The following POU2F1 variants were observed in gnomAD, a reference collection of about 807,000 sequenced individuals.
POU2F1 encodes POU domain, class 2, transcription factor 1.
POU2F1 carries 16 observed loss-of-function variants against 84.9 expected under a neutral mutation model. The observed-to-expected ratio is 0.19, with a 90% CI of 0.13 to 0.29. The LOEUF (loss-of-function observed/expected upper bound fraction) is 0.29. Ranked by LOEUF, POU2F1 falls within the 10% of genes least tolerant of loss-of-function variation. The probability of loss-of-function intolerance (pLI) is 1.00; values close to 1 mark genes in which losing one functional copy is unlikely to be tolerated. For synonymous variants in POU2F1, 368 were observed against 368.3 expected, an observed-to-expected ratio of 1.00 and a Z score of 0.01; for missense variants, 738 against 942.6, an observed-to-expected ratio of 0.78 and a Z score of 2.84.
chr1:167,263,985 CCT>C (rs1458467792), intron 1 of POU2F1, among the ~76,000 whole-genome samples: 1 of 152,092 alleles, frequency 6.6e-6, no homozygotes, highest in Admixed American at 6.5e-5. Context: ...TGTGGCCAAT[CCT>C]GGGTTATGAT....
intron 1 of POU2F1, among the ~76,000 whole-genome samples, chr1:167,323,931 G>GA (rs1656510407): frequency 1.3e-5 from 2 of 152,058 alleles, no homozygotes; most frequent in African/African-American, 2.4e-5. Context: ...GAGCTCAGGT[G>GA]ATCCACCTAC....
At chr1:167,331,257 G>T (rs1657063077) in intron 1 of POU2F1, among the ~76,000 whole-genome samples, 1 of 152,012 alleles carries the variant, frequency 6.6e-6, no homozygotes, top group Non-Finnish European at 1.5e-5. Flanking sequence ...ACATCTTCTT[G>T]TTGGAAATGA....
intron 1 of POU2F1, among the ~76,000 whole-genome samples, chr1:167,323,676 A>G (rs1557894607): frequency 1.3e-5 from 2 of 152,050 alleles, no homozygotes; most frequent in African/African-American, 4.8e-5. Context: ...AGTTGTACTA[A>G]TTTTAATCAC....
chr1:167,279,257 CTTT>C (rs752262660), intron 1 of POU2F1, among the ~76,000 whole-genome samples: 1 of 152,158 alleles, frequency 6.6e-6, no homozygotes, highest in Non-Finnish European at 1.5e-5. Flanking sequence ...GAAATTCAGT[CTTT>C]TGTTTTATAA....
At chr1:167,221,020 C>T in intron 1 of POU2F1, 62 bp downstream of exon 1, 3 of 1,372,570 alleles carry the variant, frequency 2.2e-6, no homozygotes, top group Non-Finnish European at 3.0e-6. Context: ...CGCTGCCCCC[C>T]CCCGCGACTT....
chr1:167,329,368 G>T, intron 1 of POU2F1: 1 of 1,518,332 alleles, frequency 6.6e-7, no homozygotes, highest in South Asian at 1.2e-5. Context: ...GTGTCGGGTT[G>T]ACTATGCATA....
intron 1 of POU2F1, among the ~76,000 whole-genome samples, chr1:167,261,190 TCAAG>T (rs1553199374): frequency 1.3e-5 from 2 of 152,104 alleles, no homozygotes; most frequent in Non-Finnish European, 2.9e-5. Flanking sequence ...TTAAAATGAG[TCAAG>T]CAAGCGCTAT....
chr1:167,237,764 ATATATATATTTTTTTTTTTT>A (rs1308007381), intron 1 of POU2F1, among the ~76,000 whole-genome samples: 17 of 16,308 alleles, frequency 1.0e-3, no homozygotes, highest in African/African-American at 2.6e-3. Flanking sequence ...ATATATATAT[ATATATATATTTTTTTTTTTT>A]TTTTTTTTTT....
chr1:167,347,122 T>C (rs1433063663), intron 2 of POU2F1, among the ~76,000 whole-genome samples: 1 of 152,236 alleles, frequency 6.6e-6, no homozygotes, highest in African/African-American at 2.4e-5. Flanking sequence ...TTATTTCCTA[T>C]AGGGTGTCGG....
chr1:167,353,116 C>A (rs1658690184), intron 2 of POU2F1, among the ~76,000 whole-genome samples: 1 of 152,246 alleles, frequency 6.6e-6, no homozygotes, highest in South Asian at 2.1e-4. Flanking sequence ...ATAAATCCAA[C>A]TGTCTCTCAG....
At chr1:167,228,210 A>G (rs975400568) in intron 1 of POU2F1, among the ~76,000 whole-genome samples, 2 of 152,200 alleles carry the variant, frequency 1.3e-5, no homozygotes, top group African/African-American at 4.8e-5. Context: ...CATTTGTTCT[A>G]TCTGCAGGAA....
intron 2 of POU2F1, among the ~76,000 whole-genome samples, chr1:167,348,188 A>G (rs959564838): frequency 2.0e-5 from 3 of 152,230 alleles, no homozygotes; most frequent in African/African-American, 7.2e-5. Context: ...CCTAGGCTAC[A>G]AATCTGTACA....
intron 1 of POU2F1, 65 bp downstream of exon 1, chr1:167,221,023 C>G: frequency 7.4e-7 from 1 of 1,345,260 alleles, no homozygotes; most frequent in Non-Finnish European, 1.0e-6. Context: ...TGCCCCCCCC[C>G]GCGACTTAGC....
At chr1:167,298,130 A>AAAC (rs71572442) in intron 1 of POU2F1, among the ~76,000 whole-genome samples, 19 of 148,926 alleles carry the variant, frequency 1.3e-4, no homozygotes, top group South Asian at 6.5e-4. Flanking sequence ...CCATCTCCAA[A>AAAC]AACAACAACA....
intron 2 of POU2F1, 47 bp from the exon 3 acceptor site, chr1:167,365,420 T>C: frequency 7.1e-7 from 1 of 1,401,510 alleles, no homozygotes; most frequent in Non-Finnish European, 9.7e-7. Context: ...AGTGCTTTAT[T>C]TCATTTATTT....
intron 5 of POU2F1, among the ~76,000 whole-genome samples, chr1:167,373,010 T>C (rs971766696): frequency 1.3e-5 from 2 of 152,016 alleles, no homozygotes; most frequent in African/African-American, 4.8e-5. Flanking sequence ...TGTTGCAAAA[T>C]TGTTCACAAA....
At chr1:167,338,968 A>T (rs1346558958) in intron 2 of POU2F1, among the ~76,000 whole-genome samples, 1 of 152,112 alleles carries the variant, frequency 6.6e-6, no homozygotes. Context: ...ATACAAACTT[A>T]TTATCTTACA....
At chr1:167,414,230 A>G in intron 15 of POU2F1, 2 of 763,146 alleles carry the variant, frequency 2.6e-6, no homozygotes, top group Non-Finnish European at 3.2e-6. Context: ...GTTATATAAT[A>G]ATTTTTTTTT....
chr1:167,375,452 A>G (rs756083959), intron 6 of POU2F1, among the ~76,000 whole-genome samples: 25 of 152,214 alleles, frequency 1.6e-4, no homozygotes, highest in Non-Finnish European at 3.1e-4. Flanking sequence ...CAGTAGGCCA[A>G]TGTAAGGTGC....
Sources: allele counts gnomAD v4.1 joint callset (sites outside exome capture counted in the v4.1 genomes callset), GRCh38; gene constraint gnomAD v4.1.1; transcripts MANE v1.5; gene names NCBI Gene and HGNC (gene_info 2026-07-23, HGNC 2026-07-21).